The following DCAF8 variants were observed in gnomAD, a reference collection of about 807,000 sequenced individuals.
DCAF8 encodes DDB1- and CUL4-associated factor 8.
A neutral mutation model predicts 68.0 loss-of-function variants in DCAF8; 20 were observed. The ratio of observed to expected loss-of-function variants is 0.29; its 90% CI spans 0.21 to 0.43. DCAF8 has a LOEUF of 0.43. Ranked by LOEUF, DCAF8 falls within the 20% of genes least tolerant of loss-of-function variation. The probability of loss-of-function intolerance (pLI) is 1.00; values close to 1 mark genes in which losing one functional copy is unlikely to be tolerated. For missense variants in DCAF8, 460 were observed against 771.0 expected, an observed-to-expected ratio of 0.60 and a Z score of 4.78; for synonymous variants, 230 against 276.9, an observed-to-expected ratio of 0.83 and a Z score of 1.68.
In DCAF8 at chr1:160,229,820, G is replaced by A. The variant is rs531646610; in HGVS notation, c.1070+1477C>T. Among the ~76,000 whole-genome samples the A allele has an allele frequency of 3.9e-5, 6 of 152,322 alleles. No individual in the cohort carries two copies. The South Asian group carries it at 1.0e-3, about 26-fold the overall frequency. On this transcript the variant is annotated intron_variant, in intron 7 of 13. Transcript: ENST00000368074. ...GCAGATCACCTGAGGTCAGGAGTTCGAGACTAGCCTGGCTAACACGGTGAG... is the reference window on the plus strand; with the variant it reads ...GCAGATCACCTGAGGTCAGGAGTTCAAGACTAGCCTGGCTAACACGGTGAG...
intron 6 of DCAF8, 102 bp from the exon 7 acceptor site, chr1:160,231,509 G>T (rs1276506687): frequency 1.3e-6 from 1 of 756,574 alleles, no homozygotes; most frequent in East Asian, 2.6e-5. Context: ...AGAAACCAAA[G>T]AGATTCTCAT....
intron 6 of DCAF8, among the ~76,000 whole-genome samples, chr1:160,235,050 T>A (rs756311): frequency 0.65 from 98,812 of 152,110 alleles, 33,563 homozygotes; most frequent in African/African-American, 0.86. Flanking sequence ...CCAATATAAA[T>A]TAATTTATAT....
intron 11 of DCAF8, 149 bp downstream of exon 11, chr1:160,222,502 C>T: frequency 9.6e-7 from 1 of 1,045,622 alleles, no homozygotes; most frequent in Non-Finnish European, 1.4e-6. Context: ...AAAAACTCAG[C>T]ACCTCCAGGC....
intron 7 of DCAF8, among the ~76,000 whole-genome samples, chr1:160,226,187 A>G (rs970685816): frequency 1.4e-4 from 22 of 152,174 alleles, no homozygotes; most frequent in Non-Finnish European, 8.8e-5. Flanking sequence ...AACAACTAAC[A>G]TTAGTATGGA....
intron 6 of DCAF8, among the ~76,000 whole-genome samples, chr1:160,233,179 C>T (rs1655750616): frequency 6.6e-6 from 1 of 152,150 alleles, no homozygotes; most frequent in South Asian, 2.1e-4. Context: ...TCTGCATAGC[C>T]AAAGTCACTT....
rs1655086806 is a variant in DCAF8, at chr1:160,215,725, A to C, written c.*1867T>G. The C allele has an allele frequency of 6.6e-6, 1 of 152,242 alleles. No homozygotes were observed. Among genetic ancestry groups the C allele is most frequent in the Non-Finnish European group, 1.5e-5 (1 of 68,048 alleles). 9.4% of individuals were successfully genotyped at this position (152,242 alleles called of 1,614,324 possible). The stretch of plus-strand genomic sequence containing the variant: ...CATACCACACAGAGCAGCAGTCGGG[A>C]GAAGAAAAGCTTTACTGGGAGAAAA... On this transcript the variant is annotated 3_prime_UTR_variant, in exon 14 of 14. Transcript: ENST00000368074.
rs1442514530 is a variant in DCAF8, at chr1:160,225,181, GA to G, written c.1144-63del. 34 of 1,524,968 alleles carry G rather than the reference GA, an allele frequency of 2.2e-5. No homozygotes were observed. The Admixed American group carries it at 2.8e-4, about 13-fold the overall frequency. The allele number at this position is 1,524,968 out of a possible 1,614,324, so 94.5% of individuals were successfully genotyped here. A position where few individuals can be genotyped will look rare whatever the true frequency, so the allele number is the denominator to read the frequency against. On this transcript the variant is annotated intron_variant, in intron 8 of 13. Transcript: ENST00000368074. Reference sequence around the variant, plus strand: ...CCCCCATTTGTTATACCATCTTCAGGAAACAGCTTTTCCTTCAAACTCCCCT... The same window carrying G: ...CCCCCATTTGTTATACCATCTTCAGGAACAGCTTTTCCTTCAAACTCCCCT...
chr1:160,242,585 A>C (rs1239221402), intron 3 of DCAF8, among the ~76,000 whole-genome samples: 1 of 152,222 alleles, frequency 6.6e-6, no homozygotes, highest in Non-Finnish European at 1.5e-5. Flanking sequence ...GGGTATCACA[A>C]GCTCATCAAG....
intron 2 of DCAF8, among the ~76,000 whole-genome samples, chr1:160,261,012 G>C (rs1462448165): frequency 1.3e-5 from 2 of 152,104 alleles, no homozygotes; most frequent in African/African-American, 2.4e-5. Context: ...AATGAATAAA[G>C]AAGAAAAGAA....
intron 3 of DCAF8, among the ~76,000 whole-genome samples, chr1:160,242,937 T>C (rs768676380): frequency 1.3e-4 from 20 of 152,312 alleles, no homozygotes; most frequent in Non-Finnish European, 2.8e-4. Context: ...GTGAAAAATA[T>C]GAACCACTTT....
chr1:160,224,371 C>A, intron 10 of DCAF8, 71 bp downstream of exon 10: 3 of 1,154,428 alleles, frequency 2.6e-6, no homozygotes, highest in South Asian at 2.5e-5. Context: ...ATTTGTATAA[C>A]CTGAGTAAGA....
chr1:160,252,745 T>A (rs1327516096), intron 2 of DCAF8, among the ~76,000 whole-genome samples: 2 of 152,132 alleles, frequency 1.3e-5, no homozygotes, highest in Admixed American at 6.6e-5. Flanking sequence ...GGGATCAACA[T>A]GAGAATCGTT....
chr1:160,258,876 T>G (rs1310120119), intron 2 of DCAF8, among the ~76,000 whole-genome samples: 2 of 152,188 alleles, frequency 1.3e-5, no homozygotes, highest in African/African-American at 4.8e-5. Flanking sequence ...AAATAAACAG[T>G]CCAAGTTATC....
chr1:160,244,065 A>G (rs76213215), intron 2 of DCAF8, 31 bp from the exon 3 acceptor site: 5 of 1,522,732 alleles, frequency 3.3e-6, no homozygotes, highest in African/African-American at 1.4e-5. Flanking sequence ...AACCAAAACA[A>G]TTAGGAAACC....
intron 2 of DCAF8, among the ~76,000 whole-genome samples, chr1:160,249,245 A>G (rs1278513650): frequency 6.6e-6 from 1 of 152,192 alleles, no homozygotes; most frequent in Non-Finnish European, 1.5e-5. Context: ...GATCCTCAAC[A>G]TTATTAATAA....
chr1:160,222,432 G>A (rs1655331292), intron 11 of DCAF8, among the ~76,000 whole-genome samples: 2 of 152,154 alleles, frequency 1.3e-5, no homozygotes, highest in South Asian at 4.1e-4. Flanking sequence ...TCCCTTTCTT[G>A]TCTCAATAAA....
At position 160,218,821 on chromosome 1, in the gene DCAF8, A is replaced by C. The variant is rs771434020; in HGVS notation, c.1560+28T>G. On this transcript the variant is annotated intron_variant, in intron 12 of 13. Coordinates refer to ENST00000368074, the MANE Select transcript of DCAF8 (RefSeq NM_015726.4). ...CAACAGTATGTGGATAAGCAGAAAG[A>C]AAATAACTTCTGCAGTCAGCCACTT... 5 of 1,613,472 alleles carry C rather than the reference A, an allele frequency of 3.1e-6. No homozygotes were observed. In the South Asian group the frequency reaches 5.5e-5, roughly 18 times the overall value.
intron 7 of DCAF8, 142 bp from the exon 8 acceptor site, chr1:160,225,805 C>T (rs970821853): frequency 6.4e-6 from 4 of 629,778 alleles, no homozygotes; most frequent in Non-Finnish European, 1.1e-5. Flanking sequence ...TTGTGCTCTT[C>T]CTTAAAGGGC....
intron 6 of DCAF8, among the ~76,000 whole-genome samples, chr1:160,234,625 C>T (rs1435254911): frequency 1.3e-5 from 2 of 152,228 alleles, no homozygotes; most frequent in East Asian, 3.8e-4. Context: ...TGTTTCACAA[C>T]TCTTTAACAC....
Sources: gnomAD v4.1 joint callset for allele counts (sites outside exome capture counted in the v4.1 genomes callset) on GRCh38, gnomAD v4.1.1 for gene constraint, MANE v1.5 for transcripts, NCBI Gene and HGNC (gene_info 2026-07-23, HGNC 2026-07-21) for gene names.